Variants in UCHL3 observed in about 807,000 individuals in gnomAD.
UCHL3 encodes ubiquitin C-terminal hydrolase L3.
Under a neutral mutation model 35.8 loss-of-function variants are expected in UCHL3, and 22 were observed. That is an observed-to-expected ratio of 0.61 (90% CI 0.44 to 0.88). UCHL3 has a LOEUF of 0.88. UCHL3 is among the 40% of genes least tolerant of loss of function. The pLI is 0.00. For missense variants in UCHL3, 229 were observed against 276.9 expected (o/e 0.83, Z 1.23); for synonymous variants, 90 against 92.8 (o/e 0.97, Z 0.17).
intron 8 of UCHL3, 86 bp from the exon 9 acceptor site, chr13:75,605,643 A>AT: frequency 7.6e-7 from 1 of 1,322,656 alleles, no homozygotes; most frequent in Admixed American, 2.1e-5. Context: ...TAAAATTAGT[A>AT]TGAATTAGAA....
intron 7 of UCHL3, among the ~76,000 whole-genome samples, chr13:75,595,972 A>G (rs2032637756): frequency 1.3e-5 from 2 of 152,092 alleles, no homozygotes; most frequent in Non-Finnish European, 2.9e-5. Flanking sequence ...CCAAATAAAC[A>G]ACAAAAAAGA....
At chr13:75,589,953 T>G (rs969647689) in intron 6 of UCHL3, 50 of 1,304,000 alleles carry the variant, frequency 3.8e-5, no homozygotes, top group Non-Finnish European at 5.1e-5. Flanking sequence ...CTCGCCATCC[T>G]CATCACAGCC....
intron 2 of UCHL3, among the ~76,000 whole-genome samples, chr13:75,554,770 T>C (rs2138451850): frequency 6.6e-6 from 1 of 152,370 alleles, no homozygotes; most frequent in Admixed American, 6.5e-5. Flanking sequence ...TTTTAAACTT[T>C]TAGCTTCAGG....
chr13:75,552,729 A>G (rs2031154782), intron 2 of UCHL3, among the ~76,000 whole-genome samples: 2 of 152,226 alleles, frequency 1.3e-5, no homozygotes, highest in South Asian at 4.1e-4. Flanking sequence ...TAAAGGGGTA[A>G]ATGCAGCTTG....
At chr13:75,595,372 C>T (rs1290773551) in intron 7 of UCHL3, among the ~76,000 whole-genome samples, 9 of 151,354 alleles carry the variant, frequency 5.9e-5, no homozygotes, top group East Asian at 1.9e-4. Context: ...CTGAGGCAGG[C>T]GGATAACCTG....
chr13:75,585,196 T>G (rs2032289613), intron 6 of UCHL3, among the ~76,000 whole-genome samples: 1 of 152,088 alleles, frequency 6.6e-6, no homozygotes, highest in Admixed American at 6.6e-5. Flanking sequence ...ATGAATACCC[T>G]TATCCTCCAA....
intron 2 of UCHL3, among the ~76,000 whole-genome samples, chr13:75,560,547 G>T (rs1308356621): frequency 6.6e-6 from 1 of 152,170 alleles, no homozygotes; most frequent in African/African-American, 2.4e-5. Flanking sequence ...AACATATTTA[G>T]AGTGTGCATT....
chr13:75,566,922 T>C, intron 4 of UCHL3, 71 bp downstream of exon 4: 2 of 1,471,736 alleles, frequency 1.4e-6, no homozygotes, highest in South Asian at 1.4e-5. Context: ...CAGTAGGTGG[T>C]GCTCTAATTC....
intron 6 of UCHL3, among the ~76,000 whole-genome samples, chr13:75,578,423 T>C (rs1259140520): frequency 1.3e-5 from 2 of 152,148 alleles, no homozygotes; most frequent in African/African-American, 2.4e-5. Flanking sequence ...AATGTGAAGT[T>C]GTCTTTCTTT....
intron 6 of UCHL3, among the ~76,000 whole-genome samples, chr13:75,574,077 G>A (rs1054570019): frequency 4.6e-5 from 7 of 152,138 alleles, no homozygotes; most frequent in Admixed American, 6.5e-5. Flanking sequence ...AACTAGCCAG[G>A]TGTGGTGGCG....
chr13:75,566,361 A>G (rs2031234), intron 3 of UCHL3, among the ~76,000 whole-genome samples: 16,167 of 152,228 alleles, frequency 0.11, 1,156 homozygotes, highest in Non-Finnish European at 0.16. Flanking sequence ...GATGTCTTAG[A>G]CCAATCTCCT....
intron 3 of UCHL3, among the ~76,000 whole-genome samples, chr13:75,562,994 G>A (rs562941628): frequency 1.3e-5 from 2 of 152,204 alleles, no homozygotes; most frequent in South Asian, 4.2e-4. Flanking sequence ...GTTATTAAGA[G>A]GATATCTAGT....
intron 6 of UCHL3, chr13:75,590,348 C>A: frequency 3.2e-6 from 2 of 623,688 alleles, no homozygotes; most frequent in Non-Finnish European, 4.0e-6. Context: ...CATATCCTGC[C>A]AACATAACGG....
Position 75,569,480 on chromosome 13 carries a change from G to A in UCHL3, c.447G>A (p.Glu149=). The A allele has an allele frequency of 1.2e-6, 2 of 1,610,636 alleles. No individual in the cohort carries two copies. The highest frequency in any genetic ancestry group is 1.7e-6 in the Non-Finnish European group (2 of 1,178,822). The stretch of plus-strand genomic sequence containing the variant: ...TACAGGCCATCCGAGTTACTCATGA[G>A]ACCAGTGCCCATGAAGGTCAGACTG... ...ENYDAIRVTH[E]TSAHEGQTEA... is the part of the protein sequence containing the mutation. The change falls in exon 6 of 9, where the codon GAG becomes GAA. Residue 149 remains glutamate, a synonymous_variant. Transcript: ENST00000377595.
intron 1 of UCHL3, 45 bp from the exon 2 acceptor site, chr13:75,549,931 C>A: frequency 1.9e-6 from 3 of 1,614,216 alleles, no homozygotes; most frequent in Non-Finnish European, 2.5e-6. Flanking sequence ...TGCCGCGAGT[C>A]CACGGTGGTT....
At chr13:75,553,606 C>T (rs2031189447) in intron 2 of UCHL3, among the ~76,000 whole-genome samples, 1 of 152,144 alleles carries the variant, frequency 6.6e-6, no homozygotes, top group South Asian at 2.1e-4. Context: ...CTAGACTGCT[C>T]ATCTTTTTTA....
intron 6 of UCHL3, among the ~76,000 whole-genome samples, chr13:75,591,146 T>C (rs3783028): frequency 0.77 from 117,322 of 152,134 alleles, 46,007 homozygotes; most frequent in Middle Eastern, 0.88. Context: ...TAAAAGTCAA[T>C]GGCAAGCATT....
intron 6 of UCHL3, among the ~76,000 whole-genome samples, chr13:75,573,731 TA>T (rs968323006): frequency 1.3e-5 from 2 of 152,228 alleles, no homozygotes; most frequent in African/African-American, 4.8e-5. Flanking sequence ...TAACATTAAC[TA>T]CTTCCTTCAA....
intron 6 of UCHL3, among the ~76,000 whole-genome samples, chr13:75,576,206 GA>G (rs1328386763): frequency 6.6e-6 from 1 of 151,904 alleles, no homozygotes; most frequent in Non-Finnish European, 1.5e-5. Flanking sequence ...AGTTACTCCT[GA>G]ATTTTATTTC....
Sources: allele counts gnomAD v4.1 joint callset (sites outside exome capture counted in the v4.1 genomes callset), GRCh38; gene constraint gnomAD v4.1.1; transcripts MANE v1.5; gene names NCBI Gene and HGNC (gene_info 2026-07-23, HGNC 2026-07-21).